LAMA2: variants seen among roughly 807,000 people sequenced by gnomAD.
LAMA2 encodes the protein laminin subunit alpha-2.
A neutral mutation model predicts 364.8 loss-of-function variants in LAMA2; 269 were observed. That is an observed-to-expected ratio of 0.74 (90% CI 0.67 to 0.82). LAMA2 has a LOEUF of 0.82. LAMA2 is among the 40% of genes least tolerant of loss of function. The pLI is 0.00. For missense variants in LAMA2, 3,807 were observed against 3,873.2 expected, an observed-to-expected ratio of 0.98 and a Z score of 0.45; for synonymous variants, 1,379 against 1,370.6, an observed-to-expected ratio of 1.01 and a Z score of -0.14.
intron 12 of LAMA2, among the ~76,000 whole-genome samples, chr6:129,242,625 T>G (rs1785469520): frequency 6.6e-6 from 1 of 152,148 alleles, no homozygotes; most frequent in Non-Finnish European, 1.5e-5. Context: ...TTTTTTGCAC[T>G]GAATATTTAC....
intron 58 of LAMA2, among the ~76,000 whole-genome samples, chr6:129,499,994 G>T (rs1336312812): frequency 2.0e-5 from 3 of 151,972 alleles, no homozygotes; most frequent in African/African-American, 7.2e-5. Flanking sequence ...AGCCTCAAGC[G>T]ATCTTCCTGC....
intron 21 of LAMA2, among the ~76,000 whole-genome samples, chr6:129,299,452 G>T (rs1051372596): frequency 1.3e-4 from 20 of 151,980 alleles, no homozygotes; most frequent in African/African-American, 4.8e-4. Context: ...TTTATTAATT[G>T]TGTTATACAT....
chr6:129,228,266 C>T (rs1024647238), intron 12 of LAMA2, among the ~76,000 whole-genome samples: 21 of 152,254 alleles, frequency 1.4e-4, no homozygotes, highest in African/African-American at 4.6e-4. Flanking sequence ...TTTCCTGACC[C>T]CTTGTGCTTC....
Position 129,464,415 on chromosome 6 carries a change from C to A in LAMA2, c.7118C>A (p.Ser2373Ter). The change falls in exon 50 of 65, where the codon TCG becomes TAG. Residue 2373 changes from serine to a stop codon, truncating the protein, a stop_gained. Coordinates refer to ENST00000421865, the MANE Select transcript of LAMA2 (RefSeq NM_000426.4). LOFTEE classifies it high-confidence loss of function. ...ATGTTCAAGTTCAGAACATTTTCTT[C>A]GAGTGCTCTTCTGATGTATCTTGCC... is the stretch of plus-strand genomic sequence containing the variant. ...TVMFKFRTFSSSALLMYLATR... is the reference protein window; with the variant it reads ...TVMFKFRTFS 3 of 1,612,268 alleles carry A rather than the reference C, an allele frequency of 1.9e-6. No individual in the cohort carries two copies. Among genetic ancestry groups the A allele is most frequent in the Non-Finnish European group, 2.5e-6 (3 of 1,178,692 alleles).
intron 2 of LAMA2, among the ~76,000 whole-genome samples, chr6:129,056,700 A>T (rs1788512279): frequency 6.6e-6 from 1 of 152,152 alleles, no homozygotes; most frequent in Non-Finnish European, 1.5e-5. Context: ...ACAAATCTTC[A>T]CAAATCTGAA....
At chr6:129,264,951 A>G (rs942876031) in intron 15 of LAMA2, among the ~76,000 whole-genome samples, 1 of 152,144 alleles carries the variant, frequency 6.6e-6, no homozygotes, top group Non-Finnish European at 1.5e-5. Context: ...AAAAACATAG[A>G]TGACTAGAAA....
chr6:129,077,486 A>G (rs976093537), intron 3 of LAMA2, among the ~76,000 whole-genome samples: 6 of 152,182 alleles, frequency 3.9e-5, no homozygotes, highest in African/African-American at 1.4e-4. Flanking sequence ...TTGTAAATAG[A>G]TAACATTCTG....
chr6:129,431,282 C>G (rs941051181), intron 41 of LAMA2, among the ~76,000 whole-genome samples: 3 of 151,592 alleles, frequency 2.0e-5, no homozygotes, highest in African/African-American at 7.3e-5. Context: ...GCCTGTAATC[C>G]CAGCTACTCA....
chr6:129,211,425 C>T (rs533837557), intron 12 of LAMA2, among the ~76,000 whole-genome samples: 8 of 152,304 alleles, frequency 5.3e-5, no homozygotes, highest in Middle Eastern at 3.4e-3. Context: ...TATTCACATA[C>T]CTGGTGGAGA....
chr6:129,391,707 T>G (rs1779332638), intron 36 of LAMA2, 54 bp downstream of exon 36: 4 of 1,516,728 alleles, frequency 2.6e-6, no homozygotes, highest in Non-Finnish European at 3.7e-6. Context: ...TTCCAGATAA[T>G]TTACAGTTTT....
At chr6:129,019,389 A>T (rs1341092547) in intron 1 of LAMA2, among the ~76,000 whole-genome samples, 1 of 151,432 alleles carries the variant, frequency 6.6e-6, no homozygotes, top group Non-Finnish European at 1.5e-5. Flanking sequence ...TGAAACTCCC[A>T]TGAGTCAAAT....
chr6:129,010,288 T>C (rs997119409), intron 1 of LAMA2, among the ~76,000 whole-genome samples: 10 of 152,192 alleles, frequency 6.6e-5, no homozygotes, highest in Non-Finnish European at 1.2e-4. Flanking sequence ...CCCAGAAATA[T>C]ACAACACTGA....
intron 1 of LAMA2, among the ~76,000 whole-genome samples, chr6:129,005,318 A>G (rs541864066): frequency 4.1e-4 from 63 of 151,852 alleles, no homozygotes; most frequent in African/African-American, 1.4e-3. Context: ...TTAAATATGC[A>G]TATCTCTTTT....
chr6:129,106,939 G>A lies in LAMA2; in HGVS notation c.639+8524G>A, dbSNP rs555287474. 2.0e-5 allele frequency among the ~76,000 whole-genome samples: 3 copies of A among 150,554 alleles called. No individual in the cohort carries two copies. The East Asian group carries it at 5.9e-4, about 29-fold the overall frequency. ...ATCCCTGTTAAATTAATGCAGTATT[G>A]TTGAAAAACAAAGATGGCCAGAGAA... On this transcript the variant is annotated intron_variant, in intron 4 of 64. Coordinates refer to ENST00000421865, the MANE Select transcript of LAMA2 (RefSeq NM_000426.4).
chr6:129,373,003 G>A (rs200581054), intron 34 of LAMA2, among the ~76,000 whole-genome samples: 13 of 152,022 alleles, frequency 8.6e-5, no homozygotes, highest in African/African-American at 2.9e-4. Context: ...TTTTCTTGTC[G>A]AATTCAGAGT....
At chr6:129,027,589 C>T (rs900780253) in intron 1 of LAMA2, among the ~76,000 whole-genome samples, 10 of 151,732 alleles carry the variant, frequency 6.6e-5, no homozygotes, top group African/African-American at 2.4e-4. Context: ...TTAATGGTAA[C>T]TTGTGTTTTT....
At chr6:129,482,918 T>G (rs1197039542) in intron 55 of LAMA2, among the ~76,000 whole-genome samples, 1 of 151,842 alleles carries the variant, frequency 6.6e-6, no homozygotes, top group Admixed American at 6.6e-5. Context: ...ATACAAAAAA[T>G]TAGCCAGGCA....
At position 129,434,496 on chromosome 6, in the gene LAMA2, G is replaced by A. The variant is rs533021071; in HGVS notation, c.5969-4150G>A. On this transcript the variant is annotated intron_variant, in intron 41 of 64. Coordinates refer to ENST00000421865, the MANE Select transcript of LAMA2 (RefSeq NM_000426.4). ...ACTAGGCTTCTGTTATTGGGTTTGA[G>A]AGCTGAAGGAATAAGGAGAGGGAAT... Among the ~76,000 whole-genome samples the A allele has an allele frequency of 1.2e-4, 19 of 152,250 alleles. No homozygotes were observed. In the South Asian group the frequency reaches 3.3e-3, roughly 27 times the overall value.
rs575725137 is a variant in LAMA2, at chr6:129,098,342, C to T, written c.566C>T (p.Pro189Leu). The change falls in exon 4 of 65, where the codon CCG (proline) becomes CTG (leucine). Residue 189 changes from proline to leucine, a missense_variant. By Grantham distance (98) the Pro-to-Leu change is moderately conservative (BLOSUM62 -3). This residue lies in a region of LAMA2 where 394 missense variants were observed against 403.5 expected (regional missense o/e 0.98). Coordinates refer to ENST00000421865, the MANE Select transcript of LAMA2 (RefSeq NM_000426.4). Reference sequence around the variant, plus strand: ...AATATTTATCCCCGCACTGGGCCACCGTCATATGCCAAAGATGATGAGGTC... The same window carrying T: ...AATATTTATCCCCGCACTGGGCCACTGTCATATGCCAAAGATGATGAGGTC... Reference protein sequence around the residue: ...LYNIYPRTGPPSYAKDDEVIC... With the variant: ...LYNIYPRTGPLSYAKDDEVIC... The T allele has an allele frequency of 1.1e-5, 17 of 1,613,832 alleles. No homozygotes were observed. In the South Asian group the frequency reaches 1.3e-4, roughly 13 times the overall value.
Sources: gnomAD v4.1 joint callset for allele counts (sites outside exome capture counted in the v4.1 genomes callset) on GRCh38, gnomAD v4.1.1 for gene constraint, gnomAD v4.1.1 regional missense constraint, MANE v1.5 for transcripts, NCBI Gene and HGNC (gene_info 2026-07-23, HGNC 2026-07-21) for gene names.